The following NEMP2 variants were observed in gnomAD, a reference collection of about 807,000 sequenced individuals.
NEMP2 encodes the protein nuclear envelope integral membrane protein 2, also known as UPF0571 transmembrane protein.
Under a neutral mutation model 54.2 loss-of-function variants are expected in NEMP2, and 53 were observed. The ratio of observed to expected loss-of-function variants is 0.98; its 90% CI spans 0.78 to 1.23. NEMP2 has a LOEUF of 1.23. Ranked by LOEUF, NEMP2 falls within the 50% of genes most tolerant of loss-of-function variation. The pLI is 0.00. For missense variants in NEMP2, 455 were observed against 511.3 expected (o/e 0.89, Z 1.06); for synonymous variants, 197 against 190.3 (o/e 1.04, Z -0.29).
chr2:190,572,834 TATATATATATATATATATATATA>T, the NEMP2 span, among the ~76,000 whole-genome samples: 5 of 37,768 alleles, frequency 1.3e-4, no homozygotes, highest in African/African-American at 4.1e-4. Context: ...TTTTCATGAG[TATATATATATATATATATATATA>T]TATATATATA....
At chr2:190,618,712 T>C in the NEMP2 span, among the ~76,000 whole-genome samples, 1 of 152,168 alleles carries the variant, frequency 6.6e-6, no homozygotes, top group African/African-American at 2.4e-5. Context: ...CTCAAGTAGC[T>C]AGGACTACTG....
the NEMP2 span, among the ~76,000 whole-genome samples, chr2:190,541,314 G>A: frequency 1.3e-5 from 2 of 151,816 alleles, no homozygotes; most frequent in Admixed American, 1.3e-4. This position sits in a 1 kb window ranked among gnomAD's most constrained non-coding sequence, Gnocchi z 5.2. Context: ...AGTTCCTTCA[G>A]GGGCATTGTT....
At chr2:190,497,404 CTGAAAAAATAGT>C in the NEMP2 span, 3 of 1,596,288 alleles carry the variant, frequency 1.9e-6, no homozygotes, top group Non-Finnish European at 1.7e-6. This position sits in a 1 kb window ranked among gnomAD's most constrained non-coding sequence, Gnocchi z 5.2. Context: ...GTAGAAAATG[CTGAAAAAATAGT>C]TTAAACATTC....
At chr2:190,599,644 G>A in the NEMP2 span, among the ~76,000 whole-genome samples, 1 of 151,958 alleles carries the variant, frequency 6.6e-6, no homozygotes, top group East Asian at 1.9e-4. Context: ...CCCTAGTCAG[G>A]AATCGGTTTA....
chr2:190,541,633 C>T, the NEMP2 span, among the ~76,000 whole-genome samples: 2 of 152,174 alleles, frequency 1.3e-5, no homozygotes, highest in Non-Finnish European at 2.9e-5. This position sits in a 1 kb window ranked among gnomAD's most constrained non-coding sequence, Gnocchi z 5.2. Context: ...ACCACAGTTA[C>T]AGTATTAGAG....
the NEMP2 span, among the ~76,000 whole-genome samples, chr2:190,559,329 G>A: frequency 5.3e-4 from 80 of 152,318 alleles, no homozygotes; most frequent in African/African-American, 1.9e-3. The surrounding 1 kb of genome is among the most constrained non-coding windows in gnomAD (Gnocchi z 4.0). Context: ...ATAGGTAACT[G>A]GATAGGAGAG....
At chr2:190,469,198 A>G in the NEMP2 span, among the ~76,000 whole-genome samples, 1 of 152,220 alleles carries the variant, frequency 6.6e-6, no homozygotes, top group Non-Finnish European at 1.5e-5. This position sits in a 1 kb window ranked among gnomAD's most constrained non-coding sequence, Gnocchi z 5.3. Context: ...AAACTATTTG[A>G]TTTCCAAATA....
chr2:190,593,058 G>T, the NEMP2 span, among the ~76,000 whole-genome samples: 25 of 152,210 alleles, frequency 1.6e-4, no homozygotes, highest in East Asian at 3.3e-3. The surrounding 1 kb of genome is among the most constrained non-coding windows in gnomAD (Gnocchi z 4.5). Context: ...TGGCCATAAG[G>T]CTCCTGACAA....
At chr2:190,566,600 A>G in the NEMP2 span, among the ~76,000 whole-genome samples, 91 of 151,790 alleles carry the variant, frequency 6.0e-4, no homozygotes, top group African/African-American at 2.1e-3. Context: ...AACGGGAAAG[A>G]AAAGAAAGAA....
chr2:190,458,091 G>A, the NEMP2 span, among the ~76,000 whole-genome samples: 2 of 152,142 alleles, frequency 1.3e-5, no homozygotes, highest in Non-Finnish European at 2.9e-5. This position sits in a 1 kb window ranked among gnomAD's most constrained non-coding sequence, Gnocchi z 5.3. Flanking sequence ...GGTCTAGGGA[G>A]GAAATGGCTC....
chr2:190,556,505 A>G, the NEMP2 span, among the ~76,000 whole-genome samples: 1 of 152,226 alleles, frequency 6.6e-6, no homozygotes. Flanking sequence ...AAAGAAATAA[A>G]GCATATTTGA....
chr2:190,480,798 A>G, the NEMP2 span, among the ~76,000 whole-genome samples: 1 of 152,250 alleles, frequency 6.6e-6, no homozygotes, highest in Non-Finnish European at 1.5e-5. Context: ...TAATCCATGC[A>G]AAGTATTTAG....
At chr2:190,538,136 C>T (rs1196642007), upstream of NEMP2, among the ~76,000 whole-genome samples, 1 of 152,178 alleles carries the variant, frequency 6.6e-6, no homozygotes, top group East Asian at 1.9e-4. This position sits in a 1 kb window ranked among gnomAD's most constrained non-coding sequence, Gnocchi z 4.1. Flanking sequence ...TCCCACCATC[C>T]CCTTACCTCT....
chr2:190,641,346 A>C, the NEMP2 span: 2 of 152,296 alleles, frequency 1.3e-5, no homozygotes, highest in East Asian at 1.9e-4. Flanking sequence ...TTCATGAAAA[A>C]GCCAACATCT....
chr2:190,637,472 T>C, the NEMP2 span, among the ~76,000 whole-genome samples: 1 of 152,260 alleles, frequency 6.6e-6, no homozygotes, highest in Non-Finnish European at 1.5e-5. This position sits in a 1 kb window ranked among gnomAD's most constrained non-coding sequence, Gnocchi z 4.5. Flanking sequence ...TTTCATCTTC[T>C]GCCTCTGCCC....
chr2:190,574,085 A>G, the NEMP2 span, among the ~76,000 whole-genome samples: 5 of 152,026 alleles, frequency 3.3e-5, no homozygotes, highest in Admixed American at 1.3e-4. Context: ...TTGTCTTTGG[A>G]AGTTTATGTC....
At chr2:190,570,571 C>T in the NEMP2 span, among the ~76,000 whole-genome samples, 1 of 152,134 alleles carries the variant, frequency 6.6e-6, no homozygotes, top group Non-Finnish European at 1.5e-5. The surrounding 1 kb of genome is among the most constrained non-coding windows in gnomAD (Gnocchi z 5.4). Flanking sequence ...AATGTCCACA[C>T]CCCAAAGACA....
At chr2:190,564,603 T>C in the NEMP2 span, among the ~76,000 whole-genome samples, 1 of 152,230 alleles carries the variant, frequency 6.6e-6, no homozygotes, top group Non-Finnish European at 1.5e-5. This position sits in a 1 kb window ranked among gnomAD's most constrained non-coding sequence, Gnocchi z 4.2. Flanking sequence ...TCTATATGAT[T>C]TAACTTTGTA....
At position 190,531,968 on chromosome 2, in the gene NEMP2, C is replaced by G. The variant is rs1046997768; in HGVS notation, c.97+2591G>C. On this transcript the variant is annotated intron_variant, in intron 1 of 8. Transcript: ENST00000409150. This position sits in a 1 kb window ranked among gnomAD's most constrained non-coding sequence, Gnocchi z 4.7. ...TGTTCCTCCTGAAAACTGACATGGC[C>G]CTCATATGGGGAAAAAAAATATCTT... Among the ~76,000 whole-genome samples, 3 of 145,404 alleles carry G rather than the reference C, an allele frequency of 2.1e-5. No homozygotes were observed. Among genetic ancestry groups the G allele is most frequent in the Non-Finnish European group, 4.5e-5 (3 of 66,156 alleles).
Sources: allele counts gnomAD v4.1 joint callset (sites outside exome capture counted in the v4.1 genomes callset), GRCh38; gene constraint gnomAD v4.1.1; non-coding constraint Gnocchi (gnomAD v3.1); transcripts MANE v1.5; gene names NCBI Gene and HGNC (gene_info 2026-07-23, HGNC 2026-07-21).